LHFPL6: variants seen among roughly 807,000 people sequenced by gnomAD.
LHFPL6 encodes the protein LHFPL tetraspan subfamily member 6 protein.
LHFPL6 carries 9 observed loss-of-function variants against 20.6 expected under a neutral mutation model. The observed-to-expected ratio is 0.44, with a 90% CI of 0.26 to 0.76. LHFPL6 has a LOEUF of 0.76. LHFPL6 is among the 30% of genes least tolerant of loss of function. The pLI is 0.20. For synonymous variants in LHFPL6, 105 were observed against 98.7 expected (o/e 1.06, Z -0.38); for missense variants, 218 against 253.5 (o/e 0.86, Z 0.95).
At chr13:39,461,180 T>G (rs1471653369) in intron 2 of LHFPL6, among the ~76,000 whole-genome samples, 1 of 152,210 alleles carries the variant, frequency 6.6e-6, no homozygotes, top group Admixed American at 6.5e-5. Flanking sequence ...GTCGTTTTTA[T>G]GGCTGCATAG....
intron 2 of LHFPL6, among the ~76,000 whole-genome samples, chr13:39,486,333 G>A (rs1868724171): frequency 6.6e-6 from 1 of 152,192 alleles, no homozygotes; most frequent in Non-Finnish European, 1.5e-5. Flanking sequence ...GCTAGCTGCA[G>A]CAAGGCAGTT....
intron 3 of LHFPL6, among the ~76,000 whole-genome samples, chr13:39,362,652 C>G (rs1869905058): frequency 6.6e-6 from 1 of 152,170 alleles, no homozygotes; most frequent in Non-Finnish European, 1.5e-5. Context: ...TACTCAATGA[C>G]CCTCTTACAC....
chr13:39,397,069 G>C (rs1870861795), intron 2 of LHFPL6, among the ~76,000 whole-genome samples: 1 of 151,888 alleles, frequency 6.6e-6, no homozygotes, highest in East Asian at 1.9e-4. Context: ...CCTTATACCA[G>C]CCCTAGGAAA....
chr13:39,544,244 A>G (rs944809540), intron 2 of LHFPL6, among the ~76,000 whole-genome samples: 4 of 152,198 alleles, frequency 2.6e-5, no homozygotes, highest in African/African-American at 9.7e-5. Context: ...CTGAGGAAGA[A>G]TTTGTTTTGC....
intron 2 of LHFPL6, among the ~76,000 whole-genome samples, chr13:39,571,768 C>T (rs1871923444): frequency 6.6e-6 from 1 of 152,248 alleles, no homozygotes; most frequent in Non-Finnish European, 1.5e-5. Flanking sequence ...AGCACTGTAA[C>T]ATCCTCTCTG....
intron 2 of LHFPL6, among the ~76,000 whole-genome samples, chr13:39,500,824 T>C (rs1469963430): frequency 6.6e-6 from 1 of 152,192 alleles, no homozygotes; most frequent in Non-Finnish European, 1.5e-5. Flanking sequence ...TTTCACATAG[T>C]ATTAAACATA....
intron 2 of LHFPL6, among the ~76,000 whole-genome samples, chr13:39,574,867 T>A (rs1193751921): frequency 6.6e-6 from 1 of 151,960 alleles, no homozygotes; most frequent in East Asian, 1.9e-4. Flanking sequence ...AGGTCAGGAG[T>A]TGGAGACCAG....
chr13:39,520,476 C>T (rs1870072397), intron 2 of LHFPL6, among the ~76,000 whole-genome samples: 1 of 152,128 alleles, frequency 6.6e-6, no homozygotes, highest in Admixed American at 6.6e-5. Flanking sequence ...AGTAGCAATT[C>T]ATCAAGCAAG....
At chr13:39,462,870 G>A (rs944350421) in intron 2 of LHFPL6, among the ~76,000 whole-genome samples, 7 of 152,114 alleles carry the variant, frequency 4.6e-5, no homozygotes, top group African/African-American at 7.2e-5. Context: ...TTCATTCTTC[G>A]GGATGGGGCT....
chr13:39,347,080 CAAAA>C (rs11328909), intron 3 of LHFPL6, among the ~76,000 whole-genome samples: 2 of 76,570 alleles, frequency 2.6e-5, no homozygotes, highest in South Asian at 5.2e-4. Flanking sequence ...ACTCTGTCTC[CAAAA>C]AAAAAAAAAA....
intron 2 of LHFPL6, among the ~76,000 whole-genome samples, chr13:39,498,599 C>T (rs1349121667): frequency 6.6e-6 from 1 of 152,148 alleles, no homozygotes; most frequent in Non-Finnish European, 1.5e-5. Flanking sequence ...GTTGGGAAGT[C>T]CAAAACACAG....
At chr13:39,521,291 C>T (rs1328362058) in intron 2 of LHFPL6, among the ~76,000 whole-genome samples, 1 of 152,136 alleles carries the variant, frequency 6.6e-6, no homozygotes, top group Non-Finnish European at 1.5e-5. Context: ...TGTTACAATA[C>T]CTATGTGATC....
At chr13:39,391,706 A>G (rs1443743426) in intron 2 of LHFPL6, among the ~76,000 whole-genome samples, 2 of 151,990 alleles carry the variant, frequency 1.3e-5, no homozygotes, top group Non-Finnish European at 2.9e-5. Context: ...TGAACGTATC[A>G]TAAGATTGCT....
chr13:39,476,339 C>T (rs912254399), intron 2 of LHFPL6, among the ~76,000 whole-genome samples: 1 of 152,124 alleles, frequency 6.6e-6, no homozygotes, highest in Non-Finnish European at 1.5e-5. Flanking sequence ...CTGAAAACAT[C>T]TATTTTTATT....
chr13:39,485,741 C>T (rs1868702131), intron 2 of LHFPL6, among the ~76,000 whole-genome samples: 1 of 152,092 alleles, frequency 6.6e-6, no homozygotes, highest in African/African-American at 2.4e-5. Flanking sequence ...GATGAATGAG[C>T]CCAATTTTTC....
At chr13:39,369,599 C>CTTCCTTCCTTCCT (rs370421871) in intron 3 of LHFPL6, among the ~76,000 whole-genome samples, 21 of 40,124 alleles carry the variant, frequency 5.2e-4, no homozygotes, top group African/African-American at 9.4e-4. Flanking sequence ...TCCTTCCTTC[C>CTTCCTTCCTTCCT]TCCCTCTCTC....
rs898517020 is a variant in LHFPL6, at chr13:39,394,710, G to A, written c.386-16184C>T. Among the ~76,000 whole-genome samples, 17 of 152,178 alleles carry A rather than the reference G, an allele frequency of 1.1e-4. No homozygotes were observed. In the East Asian group the frequency reaches 1.9e-3, roughly 17 times the overall value. ...TTAGAAGATATTTTGGGTTTATCTC[G>A]TGGCTTCACATATCTGGAGCCATTT... On this transcript the variant is annotated intron_variant, in intron 2 of 3. Transcript: ENST00000379589.
chr13:39,372,342 G>A (rs1311808668), intron 3 of LHFPL6, among the ~76,000 whole-genome samples: 2 of 151,372 alleles, frequency 1.3e-5, no homozygotes, highest in African/African-American at 4.9e-5. Flanking sequence ...AGCAAGGCAA[G>A]TACAAAACAA....
At chr13:39,562,499 T>TATATACAC (rs879732051) in intron 2 of LHFPL6, among the ~76,000 whole-genome samples, 9,118 of 80,468 alleles carry the variant, frequency 0.11, 1,367 homozygotes, top group East Asian at 0.3. Context: ...CACATATACA[T>TATATACAC]ATATACATAT....
Sources: gnomAD v4.1 joint callset for allele counts (sites outside exome capture counted in the v4.1 genomes callset) on GRCh38, gnomAD v4.1.1 for gene constraint, MANE v1.5 for transcripts, NCBI Gene and HGNC (gene_info 2026-07-23, HGNC 2026-07-21) for gene names.